GPC5: variants seen among roughly 807,000 people sequenced by gnomAD.
GPC5 encodes glypican-5.
A neutral mutation model predicts 53.9 loss-of-function variants in GPC5; 47 were observed. The observed-to-expected ratio is 0.87, with a 90% CI of 0.69 to 1.11. The LOEUF (loss-of-function observed/expected upper bound fraction) is 1.11. GPC5 is among the 50% of genes most tolerant of loss of function. The pLI is 0.00. For synonymous variants in GPC5, 286 were observed against 263.3 expected (o/e 1.09, Z -0.84); for missense variants, 748 against 713.1 (o/e 1.05, Z -0.56).
At chr13:91,511,157 A>G (rs916348896) in intron 2 of GPC5, among the ~76,000 whole-genome samples, 2 of 152,154 alleles carry the variant, frequency 1.3e-5, no homozygotes, top group African/African-American at 2.4e-5. Flanking sequence ...CAGAATTCCA[A>G]TATGATGTTT....
intron 6 of GPC5, among the ~76,000 whole-genome samples, chr13:92,138,474 C>G (rs1246978115): frequency 2.0e-5 from 3 of 150,814 alleles, no homozygotes; most frequent in Non-Finnish European, 3.0e-5. Flanking sequence ...GAGCCGAGAT[C>G]ACACCGCTGC....
chr13:92,792,381 T>G (rs1490286562), intron 7 of GPC5, among the ~76,000 whole-genome samples: 1 of 152,130 alleles, frequency 6.6e-6, no homozygotes, highest in African/African-American at 2.4e-5. Flanking sequence ...TCACCAGGCC[T>G]GCCTTACAAG....
chr13:92,184,491 C>G (rs951085655), intron 7 of GPC5, among the ~76,000 whole-genome samples: 3 of 152,098 alleles, frequency 2.0e-5, no homozygotes, highest in African/African-American at 4.8e-5. Flanking sequence ...GAGGCCCAAG[C>G]TTTTAGCTTC....
chr13:92,201,747 A>T (rs1265602495), intron 7 of GPC5, among the ~76,000 whole-genome samples: 1 of 152,208 alleles, frequency 6.6e-6, no homozygotes, highest in Non-Finnish European at 1.5e-5. Flanking sequence ...GAACACAAGA[A>T]TATTGAATGA....
intron 7 of GPC5, among the ~76,000 whole-genome samples, chr13:92,611,965 G>A (rs1237641583): frequency 2.6e-5 from 4 of 152,028 alleles, no homozygotes; most frequent in Non-Finnish European, 5.9e-5. Flanking sequence ...TTTGCATTGC[G>A]TACCAGGGAG....
At chr13:92,404,418 T>G (rs776840945) in intron 7 of GPC5, among the ~76,000 whole-genome samples, 1 of 152,196 alleles carries the variant, frequency 6.6e-6, no homozygotes, top group Non-Finnish European at 1.5e-5. Flanking sequence ...CTTAGGACCA[T>G]CTGCCCAATG....
At chr13:91,978,064 G>A (rs1209374552) in intron 6 of GPC5, among the ~76,000 whole-genome samples, 4 of 152,090 alleles carry the variant, frequency 2.6e-5, no homozygotes, top group African/African-American at 9.7e-5. Context: ...GAGGTGAGAG[G>A]ATATAGCTTG....
chr13:91,756,847 A>G (rs2037303583), intron 5 of GPC5, among the ~76,000 whole-genome samples: 1 of 151,278 alleles, frequency 6.6e-6, no homozygotes, highest in Non-Finnish European at 1.5e-5. Flanking sequence ...AACAATGTTA[A>G]TGTGTCCATC....
intron 7 of GPC5, among the ~76,000 whole-genome samples, chr13:92,357,096 A>G (rs1161453369): frequency 6.7e-6 from 1 of 149,552 alleles, no homozygotes; most frequent in African/African-American, 2.6e-5. Flanking sequence ...ATGTACCACA[A>G]TTTCTTTATC....
intron 6 of GPC5, among the ~76,000 whole-genome samples, chr13:92,066,566 A>C (rs2041169607): frequency 6.6e-6 from 1 of 152,068 alleles, no homozygotes; most frequent in African/African-American, 2.4e-5. Context: ...CGCACATTAT[A>C]TTCGTTGTTT....
chr13:92,774,762 GT>G (rs1344538612), intron 7 of GPC5, among the ~76,000 whole-genome samples: 1 of 152,058 alleles, frequency 6.6e-6, no homozygotes, highest in South Asian at 2.1e-4. Flanking sequence ...ATTTGAATTT[GT>G]TTTCTTCCTA....
chr13:91,590,532 C>T (rs924943897), intron 2 of GPC5, among the ~76,000 whole-genome samples: 1 of 152,004 alleles, frequency 6.6e-6, no homozygotes, highest in African/African-American at 2.4e-5. Context: ...GATCCCTTTA[C>T]CCAGAAATAA....
intron 5 of GPC5, among the ~76,000 whole-genome samples, chr13:91,902,553 C>A (rs1303611548): frequency 2.0e-5 from 3 of 151,982 alleles, no homozygotes; most frequent in Admixed American, 1.3e-4. Context: ...AAAAATCTGC[C>A]TGTCTATATT....
chr13:92,204,376 G>A lies in GPC5; in HGVS notation c.1561+59387G>A, dbSNP rs138846693. Reference sequence around the variant, plus strand: ...TAACTCTTTCTAAGACCCTTGCAATGTCTGGGAAGTGGTAACATTACAAAT... The same window carrying A: ...TAACTCTTTCTAAGACCCTTGCAATATCTGGGAAGTGGTAACATTACAAAT... On this transcript the variant is annotated intron_variant, in intron 7 of 7. Coordinates refer to ENST00000377067, the MANE Select transcript of GPC5 (RefSeq NM_004466.6). 3.5e-3 allele frequency among the ~76,000 whole-genome samples: 536 copies of A among 152,304 alleles called. 2 individuals are homozygous for A. Among genetic ancestry groups the A allele is most frequent in the Middle Eastern group, 0.01 (3 of 294 alleles).
chr13:91,414,827 CAACT>C (rs1355718181), intron 1 of GPC5, among the ~76,000 whole-genome samples: 2 of 152,062 alleles, frequency 1.3e-5, no homozygotes, highest in Non-Finnish European at 2.9e-5. Context: ...GGCTATTTTC[CAACT>C]AACTATGAAG....
chr13:91,993,097 G>A (rs1197449290), intron 6 of GPC5, among the ~76,000 whole-genome samples: 2 of 152,104 alleles, frequency 1.3e-5, no homozygotes, highest in East Asian at 3.9e-4. Flanking sequence ...CACTCTCTCT[G>A]AGACAGACAC....
At chr13:91,962,458 G>C (rs2040134820) in intron 6 of GPC5, among the ~76,000 whole-genome samples, 1 of 152,026 alleles carries the variant, frequency 6.6e-6, no homozygotes, top group Admixed American at 6.6e-5. Context: ...GTGAGCTCTG[G>C]AGTAGATGGC....
intron 4 of GPC5, among the ~76,000 whole-genome samples, chr13:91,754,024 G>T (rs1281228962): frequency 6.6e-6 from 1 of 151,960 alleles, no homozygotes; most frequent in Non-Finnish European, 1.5e-5. Context: ...TATAGATGAT[G>T]GTTCATAGAA....
At position 92,784,018 on chromosome 13, in the gene GPC5, G is replaced by A. The variant is rs184518381; in HGVS notation, c.1562-82264G>A. 4.7e-4 allele frequency among the ~76,000 whole-genome samples: 72 copies of A among 152,208 alleles called. 1 individual carries two copies. The highest frequency in any genetic ancestry group is 4.3e-3 in the Admixed American group (66 of 15,288). Reference sequence around the variant, plus strand: ...TGGTATCAGATCCCTAATAGTAGAGGAGTTAAAGAATTTGAGACAAAACTT... The same window carrying A: ...TGGTATCAGATCCCTAATAGTAGAGAAGTTAAAGAATTTGAGACAAAACTT... On this transcript the variant is annotated intron_variant, in intron 7 of 7. Transcript: ENST00000377067.
Sources: allele counts gnomAD v4.1 joint callset (sites outside exome capture counted in the v4.1 genomes callset), GRCh38; gene constraint gnomAD v4.1.1; transcripts MANE v1.5; gene names NCBI Gene and HGNC (gene_info 2026-07-23, HGNC 2026-07-21).